AXDND1: variants seen among roughly 807,000 people sequenced by gnomAD.
AXDND1 encodes axonemal dynein light chain domain containing 1.
Under a neutral mutation model 137.5 loss-of-function variants are expected in AXDND1, and 110 were observed. The observed-to-expected ratio is 0.80, with a 90% CI of 0.69 to 0.94. The LOEUF (loss-of-function observed/expected upper bound fraction) is 0.94, where lower values mean the gene tolerates loss of function less well. Among genes scored for constraint, AXDND1 ranks in the 40% least tolerant of loss-of-function variants. The pLI is 0.00. For synonymous variants in AXDND1, 414 were observed against 399.7 expected (o/e 1.04, Z -0.43); for missense variants, 1,191 against 1,169.8 (o/e 1.02, Z -0.26).
chr1:179,381,943 AT>A (rs71111920), intron 6 of AXDND1, among the ~76,000 whole-genome samples: 29,951 of 105,386 alleles, frequency 0.28, 2,733 homozygotes, highest in South Asian at 0.36. Flanking sequence ...ACCACACCTA[AT>A]TTTTTTTTTT....
At chr1:179,447,688 G>A in intron 16 of AXDND1, 1 of 1,343,258 alleles carries the variant, frequency 7.4e-7, no homozygotes, top group South Asian at 1.2e-5. Flanking sequence ...GCCACCTGGT[G>A]GAGGGGGAGA....
At chr1:179,524,060 A>G (rs1670315892) in intron 21 of AXDND1, among the ~76,000 whole-genome samples, 3 of 152,158 alleles carry the variant, frequency 2.0e-5, no homozygotes, top group African/African-American at 7.2e-5. Context: ...CATGGTGTAT[A>G]TATACCACAT....
intron 25 of AXDND1, chr1:179,551,789 A>T (rs1673322078): frequency 3.2e-6 from 1 of 313,040 alleles, no homozygotes; most frequent in Non-Finnish European, 6.0e-6. Context: ...ACGTTATGAA[A>T]GGGTGACCCC....
chr1:179,402,180 A>AG (rs1177368526), intron 11 of AXDND1, among the ~76,000 whole-genome samples: 1 of 151,932 alleles, frequency 6.6e-6, no homozygotes, highest in African/African-American at 2.4e-5. Flanking sequence ...AAAAAAAAAA[A>AG]AATCACCCTG....
chr1:179,376,831 CACTT>C (rs1237101293), intron 4 of AXDND1, among the ~76,000 whole-genome samples: 13 of 152,120 alleles, frequency 8.5e-5, no homozygotes, highest in African/African-American at 3.1e-4. Context: ...TATTTTCTGT[CACTT>C]ACAATATGGT....
At chr1:179,425,575 A>C (rs1207730936) in intron 12 of AXDND1, among the ~76,000 whole-genome samples, 1 of 152,142 alleles carries the variant, frequency 6.6e-6, no homozygotes, top group Non-Finnish European at 1.5e-5. Flanking sequence ...CTGCCAAGGA[A>C]TCAACATGAT....
chr1:179,378,546 C>T (rs11585554), intron 4 of AXDND1, 91 bp from the exon 5 acceptor site: 42,446 of 993,402 alleles, frequency 0.043, 1,144 homozygotes, highest in Non-Finnish European at 0.051. Context: ...ACCATCTTAC[C>T]CATTAGAAGG....
chr1:179,424,655 C>G (rs1656295218), intron 12 of AXDND1, among the ~76,000 whole-genome samples: 1 of 152,058 alleles, frequency 6.6e-6, no homozygotes, highest in Admixed American at 6.6e-5. Flanking sequence ...GTCTCAAACT[C>G]CTGATCTCAG....
At chr1:179,393,120 A>T (rs926516851) in intron 9 of AXDND1, among the ~76,000 whole-genome samples, 1 of 151,900 alleles carries the variant, frequency 6.6e-6, no homozygotes. Context: ...TAAGTCTTTG[A>T]TCCATCTTGA....
In AXDND1 at chr1:179,551,360, C is replaced by T. The variant is rs776859868; in HGVS notation, c.3032-3152C>T. ...CAGAGACTGAAGGGTGTGGAGGTAT[C>T]GAAGCTGAACGGCAGCAGGGGTGCC... On this transcript the variant is annotated intron_variant, in intron 25 of 25. Transcript: ENST00000367618. 14 of 1,614,054 alleles carry T rather than the reference C, an allele frequency of 8.7e-6. No homozygotes were observed. The East Asian group carries it at 1.8e-4, about 21-fold the overall frequency.
chr1:179,466,285 C>CTTTTT (rs143320609), intron 16 of AXDND1, among the ~76,000 whole-genome samples: 3 of 87,796 alleles, frequency 3.4e-5, no homozygotes, highest in African/African-American at 1.4e-4. Context: ...TCTTCTTCTT[C>CTTTTT]TTTTTTTTTT....
At chr1:179,452,707 A>G (rs1660718958) in intron 16 of AXDND1, 1 of 142,152 alleles carries the variant, frequency 7.0e-6, no homozygotes, top group African/African-American at 3.0e-5. Context: ...AAAAAAAAAA[A>G]AAAAAAAAAA....
intron 11 of AXDND1, among the ~76,000 whole-genome samples, chr1:179,398,985 A>G (rs1359145754): frequency 6.6e-6 from 1 of 152,164 alleles, no homozygotes; most frequent in Admixed American, 6.5e-5. Flanking sequence ...CTGCACACAC[A>G]TGGGCCAGCA....
chr1:179,465,933 A>T (rs1444320074), intron 16 of AXDND1, among the ~76,000 whole-genome samples: 1 of 152,184 alleles, frequency 6.6e-6, no homozygotes, highest in African/African-American at 2.4e-5. Context: ...GGCGCGGGAT[A>T]TAATCTCCTG....
chr1:179,394,733 A>G (rs904757415), intron 10 of AXDND1, among the ~76,000 whole-genome samples: 1 of 152,242 alleles, frequency 6.6e-6, no homozygotes, highest in African/African-American at 2.4e-5. Context: ...GTGATCATCT[A>G]ACTTTTAACC....
intron 3 of AXDND1, 75 bp downstream of exon 3, chr1:179,369,047 T>C: frequency 7.3e-7 from 1 of 1,370,532 alleles, no homozygotes; most frequent in Non-Finnish European, 1.0e-6. Flanking sequence ...GTATTTATTA[T>C]GCACATATTA....
intron 16 of AXDND1, chr1:179,457,209 T>A: frequency 1.3e-6 from 1 of 745,406 alleles, no homozygotes; most frequent in South Asian, 1.4e-5. Flanking sequence ...TACCACACAG[T>A]CCATGAGCAT....
chr1:179,367,470 G>A (rs555981426), intron 2 of AXDND1, among the ~76,000 whole-genome samples: 1 of 141,256 alleles, frequency 7.1e-6, no homozygotes, highest in African/African-American at 2.7e-5. Context: ...AGCCGAGATT[G>A]CGCCACTGCA....
intron 1 of AXDND1, 79 bp from the exon 2 acceptor site, chr1:179,366,325 T>C (rs1667391833): frequency 3.9e-6 from 2 of 510,842 alleles, no homozygotes; most frequent in African/African-American, 2.0e-5. Context: ...AGATGAATTC[T>C]AAACTGCGAT....
Sources: gnomAD v4.1 joint callset for allele counts (sites outside exome capture counted in the v4.1 genomes callset) on GRCh38, gnomAD v4.1.1 for gene constraint, MANE v1.5 for transcripts, NCBI Gene and HGNC (gene_info 2026-07-23, HGNC 2026-07-21) for gene names.